The following SLC16A10 variants were observed in gnomAD, a reference collection of about 807,000 sequenced individuals.
SLC16A10 encodes monocarboxylate transporter 10.
In SLC16A10, 27 loss-of-function variants were observed where a neutral mutation model predicts 40.0. The ratio of observed to expected loss-of-function variants is 0.67; its 90% CI spans 0.50 to 0.93. The LOEUF is 0.93. SLC16A10 is among the 40% of genes least tolerant of loss of function. The pLI, the probability that SLC16A10 is intolerant of heterozygous loss-of-function variation, is 0.00. For missense variants in SLC16A10, 529 were observed against 658.2 expected, an observed-to-expected ratio of 0.80 and a Z score of 2.15; for synonymous variants, 213 against 249.8, an observed-to-expected ratio of 0.85 and a Z score of 1.39.
intron 1 of SLC16A10, among the ~76,000 whole-genome samples, chr6:111,162,816 T>A (rs1230873578): frequency 2.0e-5 from 3 of 152,110 alleles, no homozygotes; most frequent in Admixed American, 1.3e-4. Context: ...GGATCAGCAA[T>A]GTTTTAAGCA....
intron 3 of SLC16A10, among the ~76,000 whole-genome samples, chr6:111,184,192 A>G (rs148454581): frequency 2.6e-5 from 4 of 152,308 alleles, no homozygotes; most frequent in African/African-American, 9.6e-5. Flanking sequence ...ACTCTAGACC[A>G]TATCATTGGG....
In SLC16A10 at chr6:111,112,867, G is replaced by C. The variant is rs1771414655; in HGVS notation, c.343+24772G>C. Among the ~76,000 whole-genome samples, 3 of 152,164 alleles carry C rather than the reference G, an allele frequency of 2.0e-5. No homozygotes were observed. In the South Asian group the frequency reaches 6.2e-4, roughly 32 times the overall value. On this transcript the variant is annotated intron_variant, in intron 1 of 5. Coordinates refer to ENST00000368851, the MANE Select transcript of SLC16A10 (RefSeq NM_018593.5). ...GACAGGAAGTGAGTTAATCAAATTT[G>C]AGAGTTTAATCTTCCAATAATTTAT...
chr6:111,105,961 A>G (rs1349853846), intron 1 of SLC16A10, among the ~76,000 whole-genome samples: 2 of 152,158 alleles, frequency 1.3e-5, no homozygotes, highest in Non-Finnish European at 2.9e-5. Flanking sequence ...CCTTCCAGTA[A>G]TTGTTTCATC....
At chr6:111,118,181 A>G (rs1771522141) in intron 1 of SLC16A10, among the ~76,000 whole-genome samples, 1 of 152,264 alleles carries the variant, frequency 6.6e-6, no homozygotes, top group South Asian at 2.1e-4. Context: ...GAAAACATTT[A>G]CTATGAGCTT....
Position 111,229,331 on chromosome 6 carries a change from T to C in SLC16A10, c.*7096T>C, listed in dbSNP as rs1189437748. 1 of 152,160 alleles carries C rather than the reference T, an allele frequency of 6.6e-6. No individual in the cohort carries two copies. Among genetic ancestry groups the C allele is most frequent in the Non-Finnish European group, 1.5e-5 (1 of 68,022 alleles). The allele number at this position is 152,160 out of a possible 1,614,324, so 9.4% of individuals were successfully genotyped here. A position where few individuals can be genotyped will look rare whatever the true frequency, so the allele number is the denominator to read the frequency against. ...GAGGTATGCAATTTTTGTTAACATA[T>C]AAGACTTTAAATTACGAAACTCACA... is the stretch of plus-strand genomic sequence containing the variant. On this transcript the variant is annotated 3_prime_UTR_variant, in exon 6 of 6. Transcript: ENST00000368851.
Position 111,087,930 on chromosome 6 carries a change from GAGC to G in SLC16A10, c.179_181del (p.Glu60_Pro61delinsAla). The G allele has an allele frequency of 6.2e-7, 1 of 1,603,566 alleles. No individual in the cohort carries two copies. On this transcript the variant is annotated inframe_deletion, in exon 1 of 6. Coordinates refer to ENST00000368851, the MANE Select transcript of SLC16A10 (RefSeq NM_018593.5). ...GGGGCCGGCGACCGCGGAGCCCCAT[GAGC>G]CCCCCGAACCCCCCGAGGGCGGCTG...
intron 1 of SLC16A10, among the ~76,000 whole-genome samples, chr6:111,151,700 A>G (rs1772175343): frequency 6.6e-6 from 1 of 152,238 alleles, no homozygotes; most frequent in Non-Finnish European, 1.5e-5. Flanking sequence ...GATGACTGAC[A>G]TGGCTTTGCT....
At chr6:111,119,831 A>C (rs1771552485) in intron 1 of SLC16A10, among the ~76,000 whole-genome samples, 1 of 152,274 alleles carries the variant, frequency 6.6e-6, no homozygotes, top group South Asian at 2.1e-4. Flanking sequence ...TTACTGGTTT[A>C]GAAACCATAA....
chr6:111,172,629 A>G, intron 1 of SLC16A10, 66 bp from the exon 2 acceptor site: 2 of 1,562,068 alleles, frequency 1.3e-6, no homozygotes, highest in South Asian at 1.2e-5. Flanking sequence ...GTATTATATC[A>G]ATGGAATAAA....
At chr6:111,202,361 C>T (rs908604728) in intron 3 of SLC16A10, among the ~76,000 whole-genome samples, 1 of 151,984 alleles carries the variant, frequency 6.6e-6, no homozygotes, top group Non-Finnish European at 1.5e-5. Context: ...ACCTGTGGTC[C>T]CAGGTACTCG....
intron 1 of SLC16A10, among the ~76,000 whole-genome samples, chr6:111,156,644 G>A (rs895723355): frequency 1.3e-5 from 2 of 152,190 alleles, no homozygotes; most frequent in African/African-American, 4.8e-5. Flanking sequence ...CAGTCAAGAG[G>A]AGACTAAGGA....
intron 1 of SLC16A10, among the ~76,000 whole-genome samples, chr6:111,102,214 T>C (rs1474709699): frequency 6.6e-6 from 1 of 152,160 alleles, no homozygotes; most frequent in African/African-American, 2.4e-5. Flanking sequence ...AGATTACTGG[T>C]TCAAAGGGTA....
chr6:111,190,978 G>A (rs930085330), intron 3 of SLC16A10, among the ~76,000 whole-genome samples: 1 of 152,116 alleles, frequency 6.6e-6, no homozygotes, highest in Non-Finnish European at 1.5e-5. Context: ...TCTGCAGCTG[G>A]CTTGAACTTC....
chr6:111,092,714 A>T (rs1771002566), intron 1 of SLC16A10, among the ~76,000 whole-genome samples: 1 of 151,982 alleles, frequency 6.6e-6, no homozygotes, highest in African/African-American at 2.4e-5. Flanking sequence ...ACAAAGAAAT[A>T]CAATTAAGTG....
At chr6:111,123,890 T>G (rs1771625546) in intron 1 of SLC16A10, among the ~76,000 whole-genome samples, 1 of 152,200 alleles carries the variant, frequency 6.6e-6, no homozygotes, top group Non-Finnish European at 1.5e-5. Flanking sequence ...ACATTGGCTT[T>G]AATCCTCTCC....
chr6:111,158,692 T>C (rs1772317702), intron 1 of SLC16A10, among the ~76,000 whole-genome samples: 1 of 152,192 alleles, frequency 6.6e-6, no homozygotes, highest in East Asian at 1.9e-4. Context: ...TTTTTGTATT[T>C]ACTCGATATT....
intron 1 of SLC16A10, among the ~76,000 whole-genome samples, chr6:111,134,808 C>T (rs1326352598): frequency 6.6e-6 from 1 of 152,188 alleles, no homozygotes; most frequent in Non-Finnish European, 1.5e-5. Context: ...AAGCCACTAA[C>T]CAGATGATCC....
At chr6:111,147,274 A>G (rs1772096870) in intron 1 of SLC16A10, among the ~76,000 whole-genome samples, 1 of 152,232 alleles carries the variant, frequency 6.6e-6, no homozygotes, top group African/African-American at 2.4e-5. Context: ...TAATTCAAGT[A>G]TTTTAATTTT....
At chr6:111,218,746 G>A (rs1770828023) in intron 4 of SLC16A10, 68 bp from the exon 5 acceptor site, 1 of 1,309,010 alleles carries the variant, frequency 7.6e-7, no homozygotes, top group Non-Finnish European at 1.1e-6. Flanking sequence ...GAAGTCCTAA[G>A]CATGTTGCAT....
Sources: allele counts gnomAD v4.1 joint callset (sites outside exome capture counted in the v4.1 genomes callset), GRCh38; gene constraint gnomAD v4.1.1; transcripts MANE v1.5; gene names NCBI Gene and HGNC (gene_info 2026-07-23, HGNC 2026-07-21).